The following NEXMIF variants were observed in gnomAD, a reference collection of about 807,000 sequenced individuals.
NEXMIF encodes XLMR protein related to neurite extension.
Under a neutral mutation model 62.1 loss-of-function variants are expected in NEXMIF, and 8 were observed. The ratio of observed to expected loss-of-function variants is 0.13; its 90% CI spans 0.08 to 0.23. The LOEUF is 0.23. NEXMIF is among the 10% of genes least tolerant of loss of function. The pLI is 1.00. For synonymous variants in NEXMIF, 404 were observed against 416.6 expected (o/e 0.97, Z 0.37); for missense variants, 976 against 1,113.3 (o/e 0.88, Z 1.75).
At chrX:74,794,564 C>G (rs1381823254) in intron 1 of NEXMIF, among the ~76,000 whole-genome samples, 1 of 112,429 alleles carries the variant, frequency 8.9e-6, no homozygotes, top group Non-Finnish European at 1.9e-5. Context: ...GGCGAGCGCC[C>G]CTCCCCCAGC....
chrX:74,766,716 T>G (rs1255962695), intron 1 of NEXMIF, among the ~76,000 whole-genome samples: 1 of 112,506 alleles, frequency 8.9e-6, no homozygotes, highest in Non-Finnish European at 1.9e-5. Context: ...TATTCTGCAT[T>G]CTATTTGTTA....
chrX:74,794,655 C>G (rs940537659), intron 1 of NEXMIF, among the ~76,000 whole-genome samples: 1 of 112,228 alleles, frequency 8.9e-6, no homozygotes, highest in African/African-American at 3.2e-5. Flanking sequence ...CCCTCCAAGC[C>G]AGGTGCGGGA....
At chrX:74,903,531 C>A (rs1366889014) in intron 1 of NEXMIF, among the ~76,000 whole-genome samples, 1 of 111,028 alleles carries the variant, frequency 9.0e-6, no homozygotes, top group Non-Finnish European at 1.9e-5. Context: ...TGGTATTTGG[C>A]CAATGCAAAG....
intron 1 of NEXMIF, among the ~76,000 whole-genome samples, chrX:74,773,862 T>C (rs1044516678): frequency 1.1e-5 from 1 of 89,268 alleles, no homozygotes; most frequent in Non-Finnish European, 2.1e-5. Context: ...TGAGCTGAGA[T>C]TGCCCCACTG....
At chrX:74,815,468 C>T (rs1006149073) in intron 1 of NEXMIF, among the ~76,000 whole-genome samples, 16 of 110,840 alleles carry the variant, frequency 1.4e-4, no homozygotes, top group Non-Finnish European at 3.8e-5. Context: ...AGTTGCTCTC[C>T]GTGCCTCCAA....
intron 1 of NEXMIF, among the ~76,000 whole-genome samples, chrX:74,873,565 C>A (rs2080613615): frequency 8.9e-6 from 1 of 112,018 alleles, no homozygotes; most frequent in East Asian, 2.8e-4. Flanking sequence ...GGAAACACCA[C>A]ACTGACTTCC....
intron 1 of NEXMIF, among the ~76,000 whole-genome samples, chrX:74,887,406 C>T (rs896967776): frequency 9.0e-6 from 1 of 111,277 alleles, no homozygotes; most frequent in Admixed American, 9.5e-5. Context: ...ACTCATCTGA[C>T]AAAGGGCTAA....
intron 1 of NEXMIF, among the ~76,000 whole-genome samples, chrX:74,867,921 C>A (rs1007197106): frequency 8.9e-6 from 1 of 111,879 alleles, no homozygotes; most frequent in African/African-American, 3.2e-5. Flanking sequence ...CTACAAGGAA[C>A]TTAAACAAAT....
chrX:74,876,562 CGTT>C (rs2080634869), intron 1 of NEXMIF, among the ~76,000 whole-genome samples: 1 of 104,550 alleles, frequency 9.6e-6, no homozygotes, highest in Admixed American at 1.1e-4. Context: ...CTTTCTGTCT[CGTT>C]GATCTGTCTA....
intron 1 of NEXMIF, among the ~76,000 whole-genome samples, chrX:74,797,670 T>C (rs2080316393): frequency 8.9e-6 from 1 of 111,914 alleles, no homozygotes; most frequent in African/African-American, 3.2e-5. Flanking sequence ...GAATTTTCCA[T>C]CTGTACCATG....
chrX:74,848,187 G>A (rs1404759312), intron 1 of NEXMIF, among the ~76,000 whole-genome samples: 1 of 111,656 alleles, frequency 9.0e-6, no homozygotes, highest in African/African-American at 3.3e-5. Flanking sequence ...TTTAAAAAAT[G>A]AAAATTACTT....
intron 1 of NEXMIF, among the ~76,000 whole-genome samples, chrX:74,858,374 CT>C (rs1385318772): frequency 8.9e-6 from 1 of 112,096 alleles, no homozygotes; most frequent in Non-Finnish European, 1.9e-5. Context: ...AAGAGTCTCT[CT>C]GTCTGGTAAT....
rs1357378684 is a variant in NEXMIF at position 74,796,224 on chromosome X, T to TATATAATATATATATATATACAC, written c.-47-50550_-47-50528dup. Among the ~76,000 whole-genome samples the TATATAATATATATATATATACAC allele has an allele frequency of 3.6e-3, 235 of 65,117 alleles. 5 individuals carry two copies. The highest frequency in any genetic ancestry group is 5.9e-3 in the Non-Finnish European group (221 of 37,649). The allele number at this position is 65,117 out of a possible 115,157, so 56.5% of individuals were successfully genotyped here. The stretch of plus-strand genomic sequence containing the variant: ...TACATATATATTATATATATATACA[T>TATATAATATATATATATATACAC]ATATAATATATATATATATACACAT... On this transcript the variant is annotated intron_variant, in intron 1 of 3. Transcript: ENST00000055682.
At chrX:74,807,619 C>T (rs1184892553) in intron 1 of NEXMIF, among the ~76,000 whole-genome samples, 1 of 111,680 alleles carries the variant, frequency 9.0e-6, no homozygotes, top group Non-Finnish European at 1.9e-5. Context: ...CGTGCCACCA[C>T]ACCCAGCTAA....
intron 1 of NEXMIF, among the ~76,000 whole-genome samples, chrX:74,820,912 T>C (rs1473973934): frequency 9.0e-6 from 1 of 110,677 alleles, no homozygotes; most frequent in Non-Finnish European, 1.9e-5. Context: ...ACCTATCGAG[T>C]ACTATGTTCA....
chrX:74,743,498 C>T lies in NEXMIF; in HGVS notation c.1059G>A (p.Gly353=). The T allele has an allele frequency of 4.1e-6, 5 of 1,211,329 alleles. No individual in the cohort carries two copies. The highest frequency in any genetic ancestry group is 1.8e-5 in the South Asian group (1 of 56,938). ...AAAAATCACTGCTCTGCTTCAGGGC[C>T]CCACTCTTAGACTCTCGCTTGGGGC... ...TTCPKRESKS[G]ALKQSSDFSQ... is the part of the protein sequence containing the mutation. Residue 353 remains glycine (G), a synonymous_variant, in exon 3 of 4, where the codon GGG becomes GGA. Transcript: ENST00000055682.
rs147239663 is a variant in NEXMIF at position 74,831,903 on chromosome X, A to G, written c.-47-86206T>C. On this transcript the variant is annotated intron_variant, in intron 1 of 3. Transcript: ENST00000055682. ...GGTTTTTGTGCTACACTCCATTCAT[A>G]TGATGTATCATATTGATTTGTGTAT... 6.2e-5 allele frequency among the ~76,000 whole-genome samples: 7 copies of G among 112,412 alleles called. No individual in the cohort carries two copies. The East Asian group carries it at 1.9e-3, about 31-fold the overall frequency.
At chrX:74,836,683 T>C (rs1489002170) in intron 1 of NEXMIF, among the ~76,000 whole-genome samples, 1 of 111,529 alleles carries the variant, frequency 9.0e-6, no homozygotes, top group Non-Finnish European at 1.9e-5. Context: ...TCCTCTTTCA[T>C]CTTTGTTTTC....
At chrX:74,794,579 C>T (rs2080299208) in intron 1 of NEXMIF, among the ~76,000 whole-genome samples, 1 of 112,404 alleles carries the variant, frequency 8.9e-6, no homozygotes, top group Non-Finnish European at 1.9e-5. Context: ...CCCAGCCTCG[C>T]TGCTGCCTTG....
Sources: allele counts gnomAD v4.1 joint callset (sites outside exome capture counted in the v4.1 genomes callset), GRCh38; gene constraint gnomAD v4.1.1; transcripts MANE v1.5; gene names NCBI Gene and HGNC (gene_info 2026-07-23, HGNC 2026-07-21).